GALNT13: variants seen among roughly 807,000 people sequenced by gnomAD.
The protein encoded by GALNT13 is UDP-GalNAc:polypeptide N-acetylgalactosaminyltransferase 13.
A neutral mutation model predicts 64.2 loss-of-function variants in GALNT13; 28 were observed. The observed-to-expected ratio is 0.44, with a 90% CI of 0.32 to 0.60. GALNT13 has a LOEUF of 0.60. GALNT13 is among the 20% of genes least tolerant of loss of function. The pLI is 0.05. For synonymous variants in GALNT13, 214 were observed against 224.6 expected, an observed-to-expected ratio of 0.95 and a Z score of 0.42; for missense variants, 577 against 669.8, an observed-to-expected ratio of 0.86 and a Z score of 1.53.
chr2:153,294,133 T>G, the GALNT13 span, among the ~76,000 whole-genome samples: 2 of 152,132 alleles, frequency 1.3e-5, no homozygotes, highest in Admixed American at 6.6e-5. Flanking sequence ...TATCTTTTCT[T>G]TTTTAACTCC....
intron 9 of GALNT13, among the ~76,000 whole-genome samples, chr2:154,327,093 A>C (rs1694913270): frequency 6.6e-6 from 1 of 152,044 alleles, no homozygotes; most frequent in Non-Finnish European, 1.5e-5. Flanking sequence ...ATCATGGGGC[A>C]GTTTCCCCCA....
the GALNT13 span, among the ~76,000 whole-genome samples, chr2:153,090,588 G>A: frequency 6.6e-6 from 1 of 152,220 alleles, no homozygotes; most frequent in Non-Finnish European, 1.5e-5. Context: ...CAGCCAGGAG[G>A]TGGTGCTTTC....
the GALNT13 span, among the ~76,000 whole-genome samples, chr2:153,776,928 A>G: frequency 6.6e-6 from 1 of 152,216 alleles, no homozygotes; most frequent in African/African-American, 2.4e-5. Flanking sequence ...GTTTTTCCTC[A>G]GTGAACAGGG....
chr2:154,236,875 A>C (rs1689220135), intron 4 of GALNT13, among the ~76,000 whole-genome samples: 1 of 152,038 alleles, frequency 6.6e-6, no homozygotes, highest in Non-Finnish European at 1.5e-5. Flanking sequence ...TAATGAAGTG[A>C]TCCCAGGGAA....
At chr2:153,160,737 C>A in the GALNT13 span, among the ~76,000 whole-genome samples, 3 of 152,248 alleles carry the variant, frequency 2.0e-5, no homozygotes, top group African/African-American at 7.2e-5. Flanking sequence ...GAATCTCCCC[C>A]CACTCAATCA....
the GALNT13 span, among the ~76,000 whole-genome samples, chr2:153,402,260 C>G: frequency 6.6e-6 from 1 of 151,830 alleles, no homozygotes; most frequent in South Asian, 2.1e-4. Flanking sequence ...TTGGCCCCCA[C>G]TCTCTTCTGG....
the GALNT13 span, among the ~76,000 whole-genome samples, chr2:153,593,981 T>C: frequency 6.6e-6 from 1 of 152,124 alleles, no homozygotes; most frequent in Non-Finnish European, 1.5e-5. Flanking sequence ...CTGACCCACA[T>C]TGACAATATG....
At chr2:153,740,863 A>G in the GALNT13 span, among the ~76,000 whole-genome samples, 1 of 152,258 alleles carries the variant, frequency 6.6e-6, no homozygotes, top group East Asian at 1.9e-4. Flanking sequence ...CATTTGGGGC[A>G]GCCCCCTTTT....
intron 3 of GALNT13, among the ~76,000 whole-genome samples, chr2:154,026,605 G>A (rs74878197): frequency 2.4e-4 from 36 of 152,310 alleles, no homozygotes; most frequent in Admixed American, 7.8e-4. Context: ...CTTTTTCTCT[G>A]TGTTCTCACA....
At chr2:154,064,288 T>C (rs1700344952) in intron 3 of GALNT13, among the ~76,000 whole-genome samples, 1 of 152,104 alleles carries the variant, frequency 6.6e-6, no homozygotes, top group Non-Finnish European at 1.5e-5. Flanking sequence ...TAAATAAGCA[T>C]GAAAAGCAGT....
intron 8 of GALNT13, among the ~76,000 whole-genome samples, chr2:154,298,106 C>G (rs1693038069): frequency 6.6e-6 from 1 of 151,270 alleles, no homozygotes. Context: ...GTGAGACCAC[C>G]CATGAAATGT....
At chr2:153,306,875 T>C in the GALNT13 span, among the ~76,000 whole-genome samples, 1 of 152,144 alleles carries the variant, frequency 6.6e-6, no homozygotes. Context: ...TAGCTGGGAT[T>C]ACAGGCACAC....
chr2:154,127,399 G>T (rs1328162909), intron 3 of GALNT13, among the ~76,000 whole-genome samples: 1 of 152,008 alleles, frequency 6.6e-6, no homozygotes, highest in Non-Finnish European at 1.5e-5. Flanking sequence ...TCCTCAGAAG[G>T]TTCATAGTTA....
intron 3 of GALNT13, among the ~76,000 whole-genome samples, chr2:153,973,069 A>C (rs1574240770): frequency 6.6e-6 from 1 of 152,038 alleles, no homozygotes; most frequent in South Asian, 2.1e-4. Context: ...TTGGTAAAAT[A>C]TTTAATTCTT....
the GALNT13 span, among the ~76,000 whole-genome samples, chr2:153,520,288 A>C: frequency 6.6e-6 from 1 of 152,160 alleles, no homozygotes; most frequent in African/African-American, 2.4e-5. Context: ...ACACTAAGCA[A>C]TTCAGGCTAG....
At chr2:154,001,321 T>A (rs1695889295) in intron 3 of GALNT13, among the ~76,000 whole-genome samples, 1 of 152,012 alleles carries the variant, frequency 6.6e-6, no homozygotes, top group Admixed American at 6.6e-5. Context: ...TTATTACTGA[T>A]ATATTTTTAC....
intron 11 of GALNT13, among the ~76,000 whole-genome samples, chr2:154,411,162 A>G (rs1167216609): frequency 6.6e-6 from 1 of 151,910 alleles, no homozygotes; most frequent in Non-Finnish European, 1.5e-5. Flanking sequence ...CTAAAAGTAT[A>G]TAAAAACAGC....
chr2:153,972,723 T>C (rs1427743897), intron 3 of GALNT13, among the ~76,000 whole-genome samples: 1 of 152,032 alleles, frequency 6.6e-6, no homozygotes, highest in Non-Finnish European at 1.5e-5. Flanking sequence ...CAGCTTGTGA[T>C]GCAGATACTT....
the GALNT13 span, among the ~76,000 whole-genome samples, chr2:153,391,523 C>G: frequency 6.6e-6 from 1 of 151,956 alleles, no homozygotes; most frequent in Non-Finnish European, 1.5e-5. Context: ...ATGAATAGGT[C>G]TTTTGTTAAA....
Sources: allele counts gnomAD v4.1 joint callset (sites outside exome capture counted in the v4.1 genomes callset), GRCh38; gene constraint gnomAD v4.1.1; transcripts MANE v1.5; gene names NCBI Gene and HGNC (gene_info 2026-07-23, HGNC 2026-07-21).